BRINP1: variants seen among roughly 807,000 people sequenced by gnomAD.
BRINP1 encodes the protein BMP/retinoic acid inducible neural specific 1, also known as BMP/retinoic acid-inducible neural-specific protein 1.
BRINP1 carries 17 observed loss-of-function variants against 72.9 expected under a neutral mutation model. The observed-to-expected ratio is 0.23, with a 90% CI of 0.16 to 0.35. The LOEUF (loss-of-function observed/expected upper bound fraction) is 0.35, where lower values mean the gene tolerates loss of function less well. Ranked by LOEUF, BRINP1 falls within the 10% of genes least tolerant of loss-of-function variation. BRINP1 has a pLI of 1.00. For missense variants in BRINP1, 850 were observed against 1,001.6 expected (o/e 0.85, Z 2.04); for synonymous variants, 418 against 378.5 (o/e 1.10, Z -1.21).
chr9:119,196,370 G>GAAAT (rs1408675749), intron 7 of BRINP1, among the ~76,000 whole-genome samples: 1 of 152,128 alleles, frequency 6.6e-6, no homozygotes, highest in South Asian at 2.1e-4. Flanking sequence ...GCACAGAGAA[G>GAAAT]AAATACTGAA....
At chr9:119,284,747 C>T (rs940575461) in intron 2 of BRINP1, among the ~76,000 whole-genome samples, 2 of 152,102 alleles carry the variant, frequency 1.3e-5, no homozygotes, top group African/African-American at 4.8e-5. Flanking sequence ...ATGTGTTTAT[C>T]GCCCTGTAAA....
chr9:119,251,024 C>A (rs1026087798), intron 2 of BRINP1, among the ~76,000 whole-genome samples: 6 of 152,168 alleles, frequency 3.9e-5, no homozygotes, highest in African/African-American at 1.4e-4. Context: ...CCCTGATTCA[C>A]AGAAAACTGG....
At chr9:119,334,667 G>A (rs1193197104) in intron 1 of BRINP1, among the ~76,000 whole-genome samples, 1 of 151,960 alleles carries the variant, frequency 6.6e-6, no homozygotes, top group Non-Finnish European at 1.5e-5. Flanking sequence ...CCTGTGCAAC[G>A]AGGAAGGTAG....
Position 119,208,721 on chromosome 9 carries a change from C to G in BRINP1, c.1143G>C (p.Glu381Asp). 1.2e-6 allele frequency: 2 copies of G among 1,612,730 alleles called. No individual in the cohort carries two copies. Reference sequence around the variant, plus strand: ...GTGGAGGTGGTGGCAACACTTACCTCTCTCTAGGCAGCTGGTGGTTGGGAT... The same window carrying G: ...GTGGAGGTGGTGGCAACACTTACCTGTCTCTAGGCAGCTGGTGGTTGGGAT... ...RHNPNHQLPRERTIQQWLARV... is the reference protein window; with the variant it reads ...RHNPNHQLPRDRTIQQWLARV... Residue 381 changes from glutamate (E) to aspartate (D), a missense_variant and splice_region_variant, in exon 7 of 8, where the codon GAG becomes GAC. Glu to Asp is a conservative substitution (Grantham distance 45). Transcript: ENST00000265922.
At chr9:119,169,376 C>T (rs568064656) in intron 7 of BRINP1, among the ~76,000 whole-genome samples, 1 of 151,188 alleles carries the variant, frequency 6.6e-6, no homozygotes, top group Non-Finnish European at 1.5e-5. Context: ...ACTGACGGCA[C>T]CTGGAAAATC....
At chr9:119,185,020 T>C (rs1829601254) in intron 7 of BRINP1, among the ~76,000 whole-genome samples, 1 of 152,110 alleles carries the variant, frequency 6.6e-6, no homozygotes, top group Non-Finnish European at 1.5e-5. Flanking sequence ...CCAATCAGAA[T>C]AAGAGTTTAT....
intron 7 of BRINP1, among the ~76,000 whole-genome samples, chr9:119,177,133 AAAG>A (rs1829498512): frequency 1.3e-5 from 2 of 152,226 alleles, no homozygotes; most frequent in African/African-American, 4.8e-5. Context: ...ATGAATGCAT[AAAG>A]AATATTCATA....
chr9:119,359,782 G>A (rs1036813126), intron 1 of BRINP1, among the ~76,000 whole-genome samples: 2 of 152,196 alleles, frequency 1.3e-5, no homozygotes, highest in Non-Finnish European at 2.9e-5. Context: ...ACCTATGCAT[G>A]AGCTTGTTGA....
chr9:119,267,877 G>T (rs1419352491), intron 2 of BRINP1, among the ~76,000 whole-genome samples: 1 of 152,066 alleles, frequency 6.6e-6, no homozygotes, highest in African/African-American at 2.4e-5. Flanking sequence ...GAAAAGAGAA[G>T]AATCCAGCAA....
rs757381376 is a variant in BRINP1, at chr9:119,208,853, G to T, written c.1011C>A (p.Asp337Glu). 1.5e-5 allele frequency: 25 copies of T among 1,614,016 alleles called. No individual in the cohort carries two copies. The highest frequency in any genetic ancestry group is 2.1e-5 in the Non-Finnish European group (25 of 1,180,024). ...SIHQHWGNDW[D>E]LQNRYKLLQS... ...GCAGGAGCTTGTAGCGGTTCTGCAGGTCCCAGTCATTGCCCCAGTGCTGAT... is the reference window on the plus strand; with the variant it reads ...GCAGGAGCTTGTAGCGGTTCTGCAGTTCCCAGTCATTGCCCCAGTGCTGAT... The change falls in exon 7 of 8, where the codon GAC (aspartate) becomes GAA (glutamate). Residue 337 changes from aspartate (D) to glutamate (E), a missense_variant. Asp to Glu is a conservative substitution (Grantham distance 45). Coordinates refer to ENST00000265922, the MANE Select transcript of BRINP1 (RefSeq NM_014618.3).
At chr9:119,182,764 A>T (rs978184817) in intron 7 of BRINP1, among the ~76,000 whole-genome samples, 1 of 152,236 alleles carries the variant, frequency 6.6e-6, no homozygotes, top group Admixed American at 6.5e-5. Context: ...TTGTTATTTC[A>T]TTATAGCAGC....
At chr9:119,243,380 A>C (rs1249539693) in intron 3 of BRINP1, among the ~76,000 whole-genome samples, 3 of 151,948 alleles carry the variant, frequency 2.0e-5, no homozygotes, top group Non-Finnish European at 4.4e-5. Flanking sequence ...AAAGGATATG[A>C]TCTCATTCTT....
chr9:119,214,003 T>C lies in BRINP1; in HGVS notation c.838A>G (p.Ile280Val), dbSNP rs763366108. ...TACTCCATGATCTGGATGTCCGTGATGGGGCAGTTGCACTGCGGAAACTCC... is the reference window on the plus strand; with the variant it reads ...TACTCCATGATCTGGATGTCCGTGACGGGGCAGTTGCACTGCGGAAACTCC... ...AEEFPQCNCP[I>V]TDIQIMEYTL... Residue 280 changes from isoleucine to valine, a missense_variant, in exon 6 of 8, where the codon ATC (isoleucine) becomes GTC (valine). Ile to Val is a conservative substitution (Grantham distance 29). Coordinates refer to ENST00000265922, the MANE Select transcript of BRINP1 (RefSeq NM_014618.3). 5 of 1,614,194 alleles carry C rather than the reference T, an allele frequency of 3.1e-6. No individual in the cohort carries two copies. The highest frequency in any genetic ancestry group is 2.5e-6 in the Non-Finnish European group (3 of 1,180,030).
chr9:119,224,658 C>A (rs1445490765), intron 5 of BRINP1, among the ~76,000 whole-genome samples: 1 of 152,028 alleles, frequency 6.6e-6, no homozygotes, highest in Non-Finnish European at 1.5e-5. Context: ...ATGTCTTCTT[C>A]ATTTCAGATG....
chr9:119,296,762 G>A (rs1251254015), intron 2 of BRINP1, among the ~76,000 whole-genome samples: 1 of 152,144 alleles, frequency 6.6e-6, no homozygotes, highest in African/African-American at 2.4e-5. Context: ...GCCAGGCACA[G>A]AAAGACAAAT....
chr9:119,257,684 A>C (rs1161218239), intron 2 of BRINP1, among the ~76,000 whole-genome samples: 2 of 152,234 alleles, frequency 1.3e-5, no homozygotes, highest in Admixed American at 6.5e-5. Flanking sequence ...AGAGGTGAAC[A>C]AGGGGAATCA....
intron 2 of BRINP1, among the ~76,000 whole-genome samples, chr9:119,261,882 T>C (rs1044148592): frequency 5.9e-5 from 9 of 151,372 alleles, no homozygotes; most frequent in South Asian, 4.2e-4. Context: ...CCCTCCTCCT[T>C]CTTCTCTTCC....
intron 7 of BRINP1, among the ~76,000 whole-genome samples, chr9:119,175,217 C>T (rs2778887): frequency 5.3e-5 from 8 of 151,116 alleles, no homozygotes; most frequent in East Asian, 3.9e-4. Context: ...GTCCTTTGCA[C>T]GGACATGGAT....
At chr9:119,170,383 A>G (rs1038999175) in intron 7 of BRINP1, among the ~76,000 whole-genome samples, 1 of 150,966 alleles carries the variant, frequency 6.6e-6, no homozygotes, top group Non-Finnish European at 1.5e-5. Context: ...GGGTATCAGC[A>G]ATGGAAGATG....
Sources: gnomAD v4.1 joint callset for allele counts (sites outside exome capture counted in the v4.1 genomes callset) on GRCh38, gnomAD v4.1.1 for gene constraint, MANE v1.5 for transcripts, NCBI Gene and HGNC (gene_info 2026-07-23, HGNC 2026-07-21) for gene names.